VPS13D: variants seen among roughly 807,000 people sequenced by gnomAD.
VPS13D encodes the protein vacuolar protein sorting 13 homolog D.
In VPS13D, 187 loss-of-function variants were observed where a neutral mutation model predicts 461.9. The ratio of observed to expected loss-of-function variants is 0.40; its 90% CI spans 0.36 to 0.46. The LOEUF is 0.46. Among genes scored for constraint, VPS13D ranks in the 20% least tolerant of loss-of-function variants. VPS13D has a pLI of 0.60. For missense variants in VPS13D, 4,711 were observed against 5,364.9 expected, an observed-to-expected ratio of 0.88 and a Z score of 3.81; for synonymous variants, 1,951 against 1,986.3, an observed-to-expected ratio of 0.98 and a Z score of 0.47.
At chr1:12,481,352 C>G (rs1166003166) in intron 67 of VPS13D, among the ~76,000 whole-genome samples, 1 of 152,212 alleles carries the variant, frequency 6.6e-6, no homozygotes, top group East Asian at 1.9e-4. Context: ...GTGCCCAACC[C>G]CTTCCCTGAC....
intron 36 of VPS13D, among the ~76,000 whole-genome samples, chr1:12,328,331 G>A (rs1643244468): frequency 6.6e-6 from 1 of 151,408 alleles, no homozygotes; most frequent in Admixed American, 6.6e-5. Flanking sequence ...CTTTGCTAGA[G>A]TGGGGACCAA....
intron 65 of VPS13D, among the ~76,000 whole-genome samples, chr1:12,418,235 C>T (rs546318860): frequency 6.6e-6 from 1 of 152,170 alleles, no homozygotes; most frequent in Non-Finnish European, 1.5e-5. Context: ...GAGACTTTCC[C>T]ACTCATGGTT....
chr1:12,401,485 G>C (rs1452254358), intron 61 of VPS13D, 123 bp from the exon 62 acceptor site: 2 of 605,434 alleles, frequency 3.3e-6, no homozygotes, highest in Non-Finnish European at 5.7e-6. Context: ...AAATAATTTG[G>C]CATTATAGTT....
chr1:12,383,083 T>A lies in VPS13D; in HGVS notation c.11298T>A (p.Asn3766Lys). The A allele has an allele frequency of 6.2e-7, 1 of 1,614,052 alleles. No individual in the cohort carries two copies. The highest frequency in any genetic ancestry group is 8.5e-7 in the Non-Finnish European group (1 of 1,179,986). Residue 3766 changes from asparagine to lysine, a missense_variant, in exon 58 of 70, where the codon AAT becomes AAA. Asn to Lys is a moderately conservative substitution (Grantham distance 94). Transcript: ENST00000620676. ...TTCCACCTGAACAACAATTTATTAA[T>A]CAAAAAATGAGACCTGGTTCTGGAA... Reference protein sequence around the residue: ...GPVPPEQQFINQKMRPGSGML... With the variant: ...GPVPPEQQFIKQKMRPGSGML...
In VPS13D at chr1:12,479,828, A is replaced by G. The variant is rs116963872; in HGVS notation, c.12663-17672A>G. ...TGCCTATAGCCCAGAAGATTTGTGCAAAGACCCTGGTTCACTTGGAGAGGA... is the reference window on the plus strand; with the variant it reads ...TGCCTATAGCCCAGAAGATTTGTGCGAAGACCCTGGTTCACTTGGAGAGGA... On this transcript the variant is annotated intron_variant, in intron 67 of 69. Transcript: ENST00000620676. Among the ~76,000 whole-genome samples, 376 of 152,348 alleles carry G rather than the reference A, an allele frequency of 2.5e-3. 14 individuals are homozygous for G. In the East Asian group the frequency reaches 0.05, roughly 20 times the overall value.
At chr1:12,254,232 G>T (rs1450374036) in intron 7 of VPS13D, among the ~76,000 whole-genome samples, 1 of 151,942 alleles carries the variant, frequency 6.6e-6, no homozygotes, top group Non-Finnish European at 1.5e-5. Context: ...GTAGAGATGG[G>T]GTCTCACTCT....
At chr1:12,287,505 T>G (rs1311994115) in intron 21 of VPS13D, among the ~76,000 whole-genome samples, 1 of 152,212 alleles carries the variant, frequency 6.6e-6, no homozygotes, top group African/African-American at 2.4e-5. Context: ...GAAGATTAAA[T>G]CTGCTCTCAG....
At chr1:12,368,144 C>G (rs1644064786) in intron 52 of VPS13D, among the ~76,000 whole-genome samples, 1 of 152,144 alleles carries the variant, frequency 6.6e-6, no homozygotes, top group South Asian at 2.1e-4. Flanking sequence ...GGTAAACTTT[C>G]CATTCCCTTC....
At chr1:12,341,977 G>C (rs1643579391) in intron 41 of VPS13D, 92 bp downstream of exon 41, 1 of 1,108,646 alleles carries the variant, frequency 9.0e-7, no homozygotes, top group Admixed American at 2.1e-5. Flanking sequence ...CCCTCTTGAG[G>C]CTCTTGGGAT....
Position 12,277,887 on chromosome 1 carries a change from T to G in VPS13D, c.4299T>G (p.Ser1433=), listed in dbSNP as rs1478246397. 6.2e-7 allele frequency: 1 copy of G among 1,614,044 alleles called. No individual in the cohort carries two copies. Among genetic ancestry groups the G allele is most frequent in the Non-Finnish European group, 8.5e-7 (1 of 1,180,022 alleles). The stretch of plus-strand genomic sequence containing the variant: ...AAATCAAGGACATTAAACTGTATTC[T>G]TTGAATTGCACCCAGTTGGCAGGTA... ...QVEIKDIKLY[S]LNCTQLAGRE... is the part of the protein sequence containing the mutation. The change falls in exon 19 of 70, where the codon TCT becomes TCG. Residue 1433 remains serine, a synonymous_variant. Transcript: ENST00000620676.
chr1:12,335,362 C>T (rs1014176053), intron 38 of VPS13D, among the ~76,000 whole-genome samples: 8 of 152,182 alleles, frequency 5.3e-5, no homozygotes, highest in African/African-American at 1.2e-4. Flanking sequence ...CCACCGCGTC[C>T]GGCCTCCATA....
chr1:12,304,242 T>C (rs1185437355), intron 25 of VPS13D, among the ~76,000 whole-genome samples: 1 of 152,224 alleles, frequency 6.6e-6, no homozygotes, highest in Admixed American at 6.5e-5. Context: ...AGCCAAAAGA[T>C]GGTATCTTCC....
At chr1:12,253,582 G>C (rs921601190) in intron 6 of VPS13D, 140 bp from the exon 7 acceptor site, 4 of 636,940 alleles carry the variant, frequency 6.3e-6, no homozygotes, top group Admixed American at 5.4e-5. Context: ...AAGAGCAGAA[G>C]CATGTTTTAA....
intron 58 of VPS13D, among the ~76,000 whole-genome samples, chr1:12,383,414 A>G (rs1242372325): frequency 2.0e-5 from 3 of 152,234 alleles, no homozygotes; most frequent in African/African-American, 7.2e-5. Flanking sequence ...AAACAAGATA[A>G]TGTTAACAGT....
chr1:12,384,410 G>C (rs1570059241), intron 58 of VPS13D, among the ~76,000 whole-genome samples: 1 of 152,170 alleles, frequency 6.6e-6, no homozygotes, highest in East Asian at 1.9e-4. Flanking sequence ...TTAGGTTTTG[G>C]ACTTGTTGAG....
At chr1:12,369,105 A>G (rs967122652) in intron 53 of VPS13D, among the ~76,000 whole-genome samples, 5 of 152,202 alleles carry the variant, frequency 3.3e-5, no homozygotes, top group Admixed American at 1.3e-4. Flanking sequence ...AAAATATATC[A>G]TAGGGGGTTT....
At chr1:12,260,166 C>T (rs141754422) in intron 10 of VPS13D, among the ~76,000 whole-genome samples, 2,587 of 152,092 alleles carry the variant, frequency 0.017, 78 homozygotes, top group African/African-American at 0.058. Flanking sequence ...GCTGGGACTA[C>T]AGGCGCCTGC....
At chr1:12,330,687 C>CT (rs1310640786) in intron 37 of VPS13D, among the ~76,000 whole-genome samples, 2 of 152,056 alleles carry the variant, frequency 1.3e-5, no homozygotes, top group Admixed American at 1.3e-4. Context: ...CTGCCTCAGC[C>CT]TCCCGAGTAG....
intron 65 of VPS13D, among the ~76,000 whole-genome samples, chr1:12,450,582 T>C (rs1645250630): frequency 6.6e-6 from 1 of 152,220 alleles, no homozygotes; most frequent in Non-Finnish European, 1.5e-5. Context: ...TCTGTCGCAG[T>C]GCTGGGCACT....
Sources: allele counts gnomAD v4.1 joint callset (sites outside exome capture counted in the v4.1 genomes callset), GRCh38; gene constraint gnomAD v4.1.1; transcripts MANE v1.5; gene names NCBI Gene and HGNC (gene_info 2026-07-23, HGNC 2026-07-21).